CORIN: variants seen among roughly 807,000 people sequenced by gnomAD.
CORIN encodes corin, serine peptidase.
A neutral mutation model predicts 125.3 loss-of-function variants in CORIN; 117 were observed. That is an observed-to-expected ratio of 0.93 (90% CI 0.80 to 1.09). The LOEUF is 1.09. Among genes scored for constraint, CORIN ranks in the 50% least tolerant of loss-of-function variants. The pLI, the probability that CORIN is intolerant of heterozygous loss-of-function variation, is 0.00. For synonymous variants in CORIN, 450 were observed against 466.4 expected, an observed-to-expected ratio of 0.96 and a Z score of 0.45; for missense variants, 1,253 against 1,306.7, an observed-to-expected ratio of 0.96 and a Z score of 0.63.
chr4:47,646,905 G>GA (rs755215481), intron 13 of CORIN, among the ~76,000 whole-genome samples: 2 of 151,658 alleles, frequency 1.3e-5, no homozygotes, highest in African/African-American at 2.4e-5. Context: ...TCCATTATGA[G>GA]AAAAAAAATT....
chr4:47,753,649 C>T (rs1162831431), intron 4 of CORIN, among the ~76,000 whole-genome samples: 1 of 152,148 alleles, frequency 6.6e-6, no homozygotes, highest in Non-Finnish European at 1.5e-5. Flanking sequence ...TTTATAGGCT[C>T]TCTGCAAGAA....
intron 5 of CORIN, among the ~76,000 whole-genome samples, chr4:47,722,611 A>G (rs1475776077): frequency 1.3e-5 from 2 of 152,240 alleles, no homozygotes; most frequent in Non-Finnish European, 2.9e-5. Flanking sequence ...CAAAGTTAAA[A>G]GAGCACAAAT....
At chr4:47,655,240 A>C (rs1318182174) in intron 12 of CORIN, among the ~76,000 whole-genome samples, 3 of 151,930 alleles carry the variant, frequency 2.0e-5, no homozygotes, top group Non-Finnish European at 4.4e-5. Flanking sequence ...GTAACTCAGC[A>C]CATTCCCAGC....
chr4:47,706,389 T>C (rs1726552756), intron 5 of CORIN: 1 of 1,607,966 alleles, frequency 6.2e-7, no homozygotes, highest in Admixed American at 1.7e-5. Flanking sequence ...CATACAAGTA[T>C]ATCCAGGAGC....
chr4:47,667,421 G>T (rs1724529703), intron 10 of CORIN, among the ~76,000 whole-genome samples: 1 of 152,174 alleles, frequency 6.6e-6, no homozygotes, highest in Admixed American at 6.5e-5. Context: ...TTCCCTGTGT[G>T]GAGAGGCAGG....
chr4:47,644,025 C>G (rs1010579335), intron 14 of CORIN, among the ~76,000 whole-genome samples: 1 of 152,212 alleles, frequency 6.6e-6, no homozygotes, highest in Non-Finnish European at 1.5e-5. Flanking sequence ...GCCATGTGCC[C>G]TAGCCTGGGA....
In CORIN at chr4:47,674,428, G is replaced by A; in HGVS notation, c.1322C>T (p.Ser441Phe). Residue 441 changes from serine to phenylalanine, a missense_variant, in exon 10 of 22, where the codon TCT (serine) becomes TTT (phenylalanine). Physicochemically the swap from Ser to Phe is radical, Grantham distance 155. Coordinates refer to ENST00000273857, the MANE Select transcript of CORIN (RefSeq NM_006587.4). Reference sequence around the variant, plus strand: ...CAGACTGTTGTTCGGGTCACAGAGAGAGCTACCACCACATGAATCAAGGCA... The same window carrying A: ...CAGACTGTTGTTCGGGTCACAGAGAAAGCTACCACCACATGAATCAAGGCA... Reference protein sequence around the residue: ...NPCLDSCGGSSLCDPNNSLNN... With the variant: ...NPCLDSCGGSFLCDPNNSLNN... 6.2e-7 allele frequency: 1 copy of A among 1,613,942 alleles called. No homozygotes were observed. The highest frequency in any genetic ancestry group is 8.5e-7 in the Non-Finnish European group (1 of 1,179,848).
chr4:47,672,225 G>A (rs1292118997), intron 10 of CORIN, among the ~76,000 whole-genome samples: 2 of 152,186 alleles, frequency 1.3e-5, no homozygotes, highest in African/African-American at 4.8e-5. Flanking sequence ...GGAACATCAT[G>A]TACACACTAC....
chr4:47,827,708 T>A (rs946539958), intron 1 of CORIN, among the ~76,000 whole-genome samples: 6 of 152,240 alleles, frequency 3.9e-5, no homozygotes, highest in African/African-American at 4.8e-5. Flanking sequence ...TATGTTTTTT[T>A]AAAAATTATT....
At chr4:47,790,276 A>C in intron 2 of CORIN, 1 of 819,566 alleles carries the variant, frequency 1.2e-6, no homozygotes, top group East Asian at 1.2e-4. Flanking sequence ...TCCCCGGCAG[A>C]ACCCCCGACT....
intron 2 of CORIN, among the ~76,000 whole-genome samples, chr4:47,804,744 G>GGGGGGGGGGGGGGGGGGGGA (rs1731696897): frequency 7.6e-6 from 1 of 131,182 alleles, no homozygotes; most frequent in Admixed American, 8.3e-5. Flanking sequence ...GGAGGGGGGG[G>GGGGGGGGGGGGGGGGGGGGA]GTTGTTAATG....
At chr4:47,623,435 G>C (rs1395525834) in intron 19 of CORIN, 136 bp downstream of exon 19, 25 of 876,520 alleles carry the variant, frequency 2.9e-5, no homozygotes, top group Non-Finnish European at 3.6e-5. Flanking sequence ...ACTTTAGGAA[G>C]ATAAAGGCCT....
chr4:47,623,722 G>T lies in CORIN; in HGVS notation c.2389C>A (p.Arg797=). The change falls in exon 19 of 22, where the codon CGA becomes AGA. Residue 797 remains arginine (R), a synonymous_variant. Transcript: ENST00000273857. The part of the protein sequence containing the change: ...KQDCGRRPAA[R]MNKRILGGRT... The stretch of plus-strand genomic sequence containing the variant: ...CCTCCAAGGATCCTTTTGTTCATTC[G>T]GGCAGCAGGGCGGCGCCCACAGTCT... The T allele has an allele frequency of 1.2e-6, 2 of 1,614,132 alleles. No individual in the cohort carries two copies. Among genetic ancestry groups the T allele is most frequent in the Non-Finnish European group, 1.7e-6 (2 of 1,180,020 alleles).
At chr4:47,810,195 T>G (rs1324413492) in intron 1 of CORIN, among the ~76,000 whole-genome samples, 1 of 152,200 alleles carries the variant, frequency 6.6e-6, no homozygotes, top group African/African-American at 2.4e-5. Flanking sequence ...TTTGGTGTTT[T>G]GTTTTGTTTT....
chr4:47,714,309 C>T lies in CORIN; in HGVS notation c.800-21226G>A, dbSNP rs545295632. ...ATACTCACAAGTGATTAACACAAAC[C>T]GAAAATTTAATCTGTAAGAAAAAAA... On this transcript the variant is annotated intron_variant, in intron 5 of 21. Transcript: ENST00000273857. Among the ~76,000 whole-genome samples, 69 of 151,946 alleles carry T rather than the reference C, an allele frequency of 4.5e-4. 2 individuals carry two copies. The South Asian group carries it at 0.014, about 30-fold the overall frequency.
chr4:47,803,789 T>G (rs1731649731), intron 2 of CORIN, among the ~76,000 whole-genome samples: 1 of 152,206 alleles, frequency 6.6e-6, no homozygotes, highest in Non-Finnish European at 1.5e-5. Context: ...AGGACATTGG[T>G]CTGAGCAAAA....
rs376937672 is a variant in CORIN, at chr4:47,723,129, C to G, written c.799+21273G>C. Among the ~76,000 whole-genome samples, 18 of 152,314 alleles carry G rather than the reference C, an allele frequency of 1.2e-4. No individual in the cohort carries two copies. In the East Asian group the frequency reaches 3.5e-3, roughly 29 times the overall value. On this transcript the variant is annotated intron_variant, in intron 5 of 21. Coordinates refer to ENST00000273857, the MANE Select transcript of CORIN (RefSeq NM_006587.4). The stretch of plus-strand genomic sequence containing the variant: ...CTTGGAGGGGGCCCTAGAAGCTGTG[C>G]TCATGGAAGCTGTACTCATGCAACA...
At chr4:47,811,552 C>T (rs1011268164) in intron 1 of CORIN, among the ~76,000 whole-genome samples, 3 of 152,186 alleles carry the variant, frequency 2.0e-5, no homozygotes, top group Admixed American at 2.0e-4. Flanking sequence ...GGTGCACCTA[C>T]TTGAATACCC....
At chr4:47,653,319 G>C (rs892285384) in intron 13 of CORIN, among the ~76,000 whole-genome samples, 4 of 152,154 alleles carry the variant, frequency 2.6e-5, no homozygotes, top group African/African-American at 9.7e-5. Flanking sequence ...CTACGGATAA[G>C]GGGGAGGGGT....
Sources: gnomAD v4.1 joint callset for allele counts (sites outside exome capture counted in the v4.1 genomes callset) on GRCh38, gnomAD v4.1.1 for gene constraint, MANE v1.5 for transcripts, NCBI Gene and HGNC (gene_info 2026-07-23, HGNC 2026-07-21) for gene names.